THSD7B: variants seen among roughly 807,000 people sequenced by gnomAD.
The protein encoded by THSD7B is thrombospondin type 1 domain containing 7B.
THSD7B carries 138 observed loss-of-function variants against 213.6 expected under a neutral mutation model. The observed-to-expected ratio is 0.65, with a 90% CI of 0.56 to 0.74. THSD7B has a LOEUF of 0.74. Ranked by LOEUF, THSD7B falls within the 30% of genes least tolerant of loss-of-function variation. The pLI is 0.00. For missense variants in THSD7B, 1,931 were observed against 1,991.5 expected, an observed-to-expected ratio of 0.97 and a Z score of 0.58; for synonymous variants, 742 against 687.0, an observed-to-expected ratio of 1.08 and a Z score of -1.25.
chr2:136,811,982 A>G (rs754216093), intron 1 of THSD7B, among the ~76,000 whole-genome samples: 5 of 152,178 alleles, frequency 3.3e-5, no homozygotes, highest in Non-Finnish European at 7.4e-5. Flanking sequence ...CTCTAAGACT[A>G]TGCTTTGCAG....
chr2:137,512,382 CTTTTT>C (rs70978233), intron 15 of THSD7B, among the ~76,000 whole-genome samples: 3 of 81,380 alleles, frequency 3.7e-5, no homozygotes, highest in African/African-American at 6.3e-5. Flanking sequence ...CATTTATTTC[CTTTTT>C]TTTTTTTTTT....
At position 137,001,821 on chromosome 2, in the gene THSD7B, CAA is replaced by C. The variant is rs1173704548; in HGVS notation, c.140-54598_140-54597del. Among the ~76,000 whole-genome samples the C allele has an allele frequency of 9.2e-5, 14 of 152,226 alleles. No individual in the cohort carries two copies. The East Asian group carries it at 2.5e-3, about 27-fold the overall frequency. ...CACTTTTCTCCTCTATTTATCAACC[CAA>C]GAGCTGTTTTTCTACTTTTCTGACT... On this transcript the variant is annotated intron_variant, in intron 2 of 27. Transcript: ENST00000409968.
At chr2:137,022,545 C>T (rs373664418) in intron 2 of THSD7B, among the ~76,000 whole-genome samples, 12 of 149,790 alleles carry the variant, frequency 8.0e-5, no homozygotes, top group South Asian at 2.1e-4. Context: ...AAAAAATCTT[C>T]GTTTTTTTTT....
intron 5 of THSD7B, among the ~76,000 whole-genome samples, chr2:137,156,460 A>G (rs1404467905): frequency 6.6e-6 from 1 of 152,210 alleles, no homozygotes; most frequent in African/African-American, 2.4e-5. Flanking sequence ...GTCACTTAAT[A>G]GTCCCTGGGG....
At chr2:137,431,563 T>G (rs1051800727) in intron 14 of THSD7B, among the ~76,000 whole-genome samples, 1 of 152,196 alleles carries the variant, frequency 6.6e-6, no homozygotes, top group African/African-American at 2.4e-5. Context: ...TGTTTTGGAA[T>G]AAAATATTTT....
At chr2:136,946,302 C>T (rs1044057637) in intron 2 of THSD7B, among the ~76,000 whole-genome samples, 11 of 152,288 alleles carry the variant, frequency 7.2e-5, no homozygotes, top group South Asian at 2.1e-4. Context: ...GGCTGCAGAA[C>T]TGGAAATGTT....
chr2:137,075,439 G>A (rs1377500824), intron 3 of THSD7B, among the ~76,000 whole-genome samples: 1 of 152,086 alleles, frequency 6.6e-6, no homozygotes, highest in Admixed American at 6.6e-5. Context: ...AGCTCCATCA[G>A]GTCCTTTAAG....
chr2:137,288,253 A>G (rs1683229992), intron 12 of THSD7B, among the ~76,000 whole-genome samples: 1 of 152,184 alleles, frequency 6.6e-6, no homozygotes, highest in African/African-American at 2.4e-5. Context: ...GCAAACAAAT[A>G]CAAAAGTTGT....
intron 26 of THSD7B, among the ~76,000 whole-genome samples, chr2:137,665,108 G>A (rs1044303027): frequency 6.6e-6 from 1 of 152,182 alleles, no homozygotes; most frequent in Non-Finnish European, 1.5e-5. Context: ...CTATGTGTCT[G>A]GGAATGCCAA....
intron 12 of THSD7B, among the ~76,000 whole-genome samples, chr2:137,345,716 A>G (rs1201187413): frequency 6.6e-6 from 1 of 151,686 alleles, no homozygotes; most frequent in Non-Finnish European, 1.5e-5. Context: ...TAACCTAGAT[A>G]AAAGCTGAAG....
intron 12 of THSD7B, among the ~76,000 whole-genome samples, chr2:137,373,841 G>T (rs1057340465): frequency 6.6e-6 from 1 of 152,134 alleles, no homozygotes; most frequent in African/African-American, 2.4e-5. Context: ...GGTCTAACAG[G>T]TAAGTCTTTA....
chr2:137,053,580 A>T (rs1359303265), intron 2 of THSD7B, among the ~76,000 whole-genome samples: 2 of 152,124 alleles, frequency 1.3e-5, no homozygotes, highest in Non-Finnish European at 2.9e-5. Context: ...TTATAATAAA[A>T]AAAAAAAGAG....
At chr2:137,418,402 C>A (rs1232685665) in intron 14 of THSD7B, among the ~76,000 whole-genome samples, 1 of 152,160 alleles carries the variant, frequency 6.6e-6, no homozygotes, top group East Asian at 1.9e-4. Context: ...GGGATACAAG[C>A]CCTTCATGAT....
At chr2:137,152,288 A>AT (rs1005593404) in intron 5 of THSD7B, among the ~76,000 whole-genome samples, 23 of 151,960 alleles carry the variant, frequency 1.5e-4, no homozygotes, top group African/African-American at 5.1e-4. Context: ...TTTTAAACCT[A>AT]TTTTTTTCTA....
intron 2 of THSD7B, among the ~76,000 whole-genome samples, chr2:136,927,976 G>A (rs528231521): frequency 4.6e-5 from 7 of 152,284 alleles, no homozygotes; most frequent in Middle Eastern, 3.4e-3. Context: ...GAGGGAGATA[G>A]GAGTTTATAC....
intron 12 of THSD7B, among the ~76,000 whole-genome samples, chr2:137,310,077 G>A (rs551578589): frequency 5.9e-5 from 9 of 151,446 alleles, no homozygotes; most frequent in South Asian, 2.1e-4. Flanking sequence ...CTGAGGAATC[G>A]CCACACTGAC....
intron 20 of THSD7B, among the ~76,000 whole-genome samples, chr2:137,632,823 G>A (rs767881757): frequency 2.6e-5 from 4 of 152,124 alleles, no homozygotes; most frequent in Non-Finnish European, 5.9e-5. Context: ...CCATGTACCT[G>A]GCAGAGATGT....
chr2:137,373,663 A>ATT (rs1685585931), intron 12 of THSD7B, among the ~76,000 whole-genome samples: 1 of 152,078 alleles, frequency 6.6e-6, no homozygotes, highest in Admixed American at 6.5e-5. Context: ...GTTCACTCTG[A>ATT]TGGTAGTTTC....
chr2:137,415,669 T>G (rs946172291), intron 14 of THSD7B, among the ~76,000 whole-genome samples: 1 of 131,766 alleles, frequency 7.6e-6, no homozygotes, highest in Non-Finnish European at 1.5e-5. Context: ...TCAGTGTTTT[T>G]TTTTTTTTTT....
Sources: gnomAD v4.1 joint callset for allele counts (sites outside exome capture counted in the v4.1 genomes callset) on GRCh38, gnomAD v4.1.1 for gene constraint, MANE v1.5 for transcripts, NCBI Gene and HGNC (gene_info 2026-07-23, HGNC 2026-07-21) for gene names.